Variants in GPC5 observed in about 807,000 individuals in gnomAD.
The protein encoded by GPC5 is glypican-5.
A neutral mutation model predicts 53.9 loss-of-function variants in GPC5; 47 were observed. That is an observed-to-expected ratio of 0.87 (90% CI 0.69 to 1.11). The LOEUF (loss-of-function observed/expected upper bound fraction) is 1.11, where lower values mean the gene tolerates loss of function less well. Among genes scored for constraint, GPC5 ranks in the 50% most tolerant of loss-of-function variants. GPC5 has a pLI of 0.00. For synonymous variants in GPC5, 286 were observed against 263.3 expected (o/e 1.09, Z -0.84); for missense variants, 748 against 713.1 (o/e 1.05, Z -0.56).
chr13:91,399,025 A>G lies in GPC5; in HGVS notation c.-22A>G, dbSNP rs1415832037. On this transcript the variant is annotated 5_prime_UTR_variant, in exon 1 of 8. Coordinates refer to ENST00000377067, the MANE Select transcript of GPC5 (RefSeq NM_004466.6). ...GGGCGAGTGGGGTCCACTGGCGGGT[A>G]AAGGGGACCAGGACGGCGAGGATGG... The G allele has an allele frequency of 6.5e-7, 1 of 1,530,754 alleles. No homozygotes were observed. 94.8% of individuals were successfully genotyped at this position (1,530,754 alleles called of 1,614,324 possible).
chr13:92,275,523 T>C (rs1394354923), intron 7 of GPC5, among the ~76,000 whole-genome samples: 1 of 152,168 alleles, frequency 6.6e-6, no homozygotes, highest in African/African-American at 2.4e-5. Context: ...AAACAATAAG[T>C]CAGAATTGGG....
At chr13:91,800,117 T>G (rs1272332179) in intron 5 of GPC5, among the ~76,000 whole-genome samples, 1 of 135,724 alleles carries the variant, frequency 7.4e-6, no homozygotes, top group Non-Finnish European at 1.6e-5. Flanking sequence ...ATTGACATTT[T>G]AAGCTCTGAT....
intron 7 of GPC5, among the ~76,000 whole-genome samples, chr13:92,838,969 T>C (rs1173152542): frequency 1.3e-5 from 2 of 152,218 alleles, no homozygotes; most frequent in Non-Finnish European, 2.9e-5. Flanking sequence ...ACTATCACTT[T>C]CACAACTGCT....
intron 1 of GPC5, among the ~76,000 whole-genome samples, chr13:91,446,767 C>T (rs1880836659): frequency 6.6e-6 from 1 of 152,198 alleles, no homozygotes; most frequent in Non-Finnish European, 1.5e-5. Flanking sequence ...AACACATTTC[C>T]TGTCAACTCT....
chr13:92,053,522 T>A (rs974226571), intron 6 of GPC5, among the ~76,000 whole-genome samples: 5 of 152,198 alleles, frequency 3.3e-5, no homozygotes, highest in Non-Finnish European at 1.5e-5. Flanking sequence ...TTTTTTTCTC[T>A]CTCTTCCGTT....
intron 7 of GPC5, among the ~76,000 whole-genome samples, chr13:92,277,721 G>T (rs1006891225): frequency 2.0e-5 from 3 of 151,760 alleles, no homozygotes; most frequent in Non-Finnish European, 4.4e-5. Flanking sequence ...TAAAAATTTT[G>T]ATCACAAAAA....
At chr13:91,576,155 G>T (rs903426137) in intron 2 of GPC5, among the ~76,000 whole-genome samples, 1 of 151,996 alleles carries the variant, frequency 6.6e-6, no homozygotes, top group Non-Finnish European at 1.5e-5. Context: ...TTTCAGTTAG[G>T]CAGGAGGAAT....
chr13:92,543,711 A>T (rs535879602), intron 7 of GPC5, among the ~76,000 whole-genome samples: 1 of 152,224 alleles, frequency 6.6e-6, no homozygotes, highest in South Asian at 2.1e-4. Context: ...GCTATATTAG[A>T]TGAAGGTTTA....
At chr13:91,835,110 A>C (rs754314385) in intron 5 of GPC5, among the ~76,000 whole-genome samples, 1 of 152,224 alleles carries the variant, frequency 6.6e-6, no homozygotes, top group Non-Finnish European at 1.5e-5. Flanking sequence ...AGAAGAAGAC[A>C]TTTATGTCAC....
intron 7 of GPC5, among the ~76,000 whole-genome samples, chr13:92,862,521 C>A (rs1879212566): frequency 6.6e-6 from 1 of 151,786 alleles, no homozygotes; most frequent in African/African-American, 2.4e-5. Flanking sequence ...GAAAAAGATA[C>A]CTGGTGGAGA....
At chr13:92,273,844 G>A (rs2042856831) in intron 7 of GPC5, among the ~76,000 whole-genome samples, 1 of 152,080 alleles carries the variant, frequency 6.6e-6, no homozygotes, top group Non-Finnish European at 1.5e-5. Context: ...AGAGAAAGAT[G>A]TTGTATCATA....
intron 7 of GPC5, among the ~76,000 whole-genome samples, chr13:92,779,186 G>A (rs1360685843): frequency 6.6e-6 from 1 of 152,044 alleles, no homozygotes; most frequent in Non-Finnish European, 1.5e-5. Flanking sequence ...TAGAGCTTGT[G>A]CAGGGAAACT....
intron 6 of GPC5, among the ~76,000 whole-genome samples, chr13:91,917,469 T>C (rs2039670701): frequency 6.6e-6 from 1 of 152,192 alleles, no homozygotes; most frequent in Non-Finnish European, 1.5e-5. Flanking sequence ...AAGCTGTTGG[T>C]GGATCTACCA....
chr13:91,583,002 A>AAAAT lies in GPC5; in HGVS notation c.326-110164_326-110161dup, dbSNP rs201274533. Among the ~76,000 whole-genome samples, 610 of 152,094 alleles carry AAAAT rather than the reference A, an allele frequency of 4.0e-3. 3 individuals are homozygous for AAAAT. The highest frequency in any genetic ancestry group is 0.019 in the East Asian group (99 of 5,182). ...TTTAACAGAGTGCAACTCCACCTCA[A>AAAAT]AAATAAATAAATAAATAAATAAATC... On this transcript the variant is annotated intron_variant, in intron 2 of 7. Coordinates refer to ENST00000377067, the MANE Select transcript of GPC5 (RefSeq NM_004466.6).
At chr13:92,035,293 G>T (rs370814796) in intron 6 of GPC5, among the ~76,000 whole-genome samples, 3 of 151,788 alleles carry the variant, frequency 2.0e-5, no homozygotes, top group African/African-American at 7.3e-5. Flanking sequence ...GGGACGTTCA[G>T]CTCTTCTCAG....
rs143526220 is a variant in GPC5 at position 92,199,651 on chromosome 13, G to C, written c.1561+54662G>C. 4.6e-3 allele frequency among the ~76,000 whole-genome samples: 704 copies of C among 152,100 alleles called. 10 individuals are homozygous for C. Among genetic ancestry groups the C allele is most frequent in the African/African-American group, 0.016 (657 of 41,500 alleles). On this transcript the variant is annotated intron_variant, in intron 7 of 7. Transcript: ENST00000377067. ...GCTATTTTATAGGCAAATATTAAAG[G>C]CCCAATATTCCAACACTACTAAAGA...
At chr13:91,407,702 T>C (rs868770053) in intron 1 of GPC5, among the ~76,000 whole-genome samples, 4 of 152,212 alleles carry the variant, frequency 2.6e-5, no homozygotes, top group South Asian at 2.1e-4. Context: ...TGTGGAACTA[T>C]TCCTGAGCTG....
intron 3 of GPC5, among the ~76,000 whole-genome samples, chr13:91,713,651 A>G (rs1002766265): frequency 5.9e-5 from 9 of 152,116 alleles, no homozygotes. Flanking sequence ...TCTACTTGAC[A>G]CTTTCTCTCA....
chr13:92,207,277 A>T (rs2042344471), intron 7 of GPC5, among the ~76,000 whole-genome samples: 1 of 152,166 alleles, frequency 6.6e-6, no homozygotes, highest in Admixed American at 6.5e-5. Flanking sequence ...TTTCCACCAC[A>T]ATTTTGCCAG....
Sources: allele counts gnomAD v4.1 joint callset (sites outside exome capture counted in the v4.1 genomes callset), GRCh38; gene constraint gnomAD v4.1.1; transcripts MANE v1.5; gene names NCBI Gene and HGNC (gene_info 2026-07-23, HGNC 2026-07-21).